MTDH: variants seen among roughly 807,000 people sequenced by gnomAD.
MTDH encodes metadherin, also known as protein LYRIC.
MTDH carries 34 observed loss-of-function variants against 72.7 expected under a neutral mutation model. The ratio of observed to expected loss-of-function variants is 0.47; its 90% CI spans 0.36 to 0.62. The LOEUF is 0.62. MTDH is among the 20% of genes least tolerant of loss of function. The pLI, the probability that MTDH is intolerant of heterozygous loss-of-function variation, is 0.00. For synonymous variants in MTDH, 266 were observed against 268.9 expected, an observed-to-expected ratio of 0.99 and a Z score of 0.10; for missense variants, 677 against 699.4, an observed-to-expected ratio of 0.97 and a Z score of 0.36.
intron 9 of MTDH, among the ~76,000 whole-genome samples, chr8:97,717,631 C>G (rs200788830): frequency 0.032 from 4,781 of 148,332 alleles, 244 homozygotes; most frequent in African/African-American, 0.11. Context: ...ATCCCCCCCC[C>G]CCCAAAAATG....
In MTDH at chr8:97,726,313, G is replaced by T. The variant is rs1451525261; in HGVS notation, c.*1643G>T. The T allele has an allele frequency of 6.6e-6, 1 of 152,630 alleles. No individual in the cohort carries two copies. The highest frequency in any genetic ancestry group is 1.5e-5 in the Non-Finnish European group (1 of 68,030). The allele number at this position is 152,630 out of a possible 1,614,324, so 9.5% of individuals were successfully genotyped here. Reference sequence around the variant, plus strand: ...CTTGTTTAAATAAATTCAGCAAATGGATAGCATTGTTTTTTATTTGCTTCA... The same window carrying T: ...CTTGTTTAAATAAATTCAGCAAATGTATAGCATTGTTTTTTATTTGCTTCA... On this transcript the variant is annotated 3_prime_UTR_variant, in exon 12 of 12. Transcript: ENST00000336273.
chr8:97,691,872 T>TTTTG (rs1028470950), intron 6 of MTDH, among the ~76,000 whole-genome samples: 4 of 152,004 alleles, frequency 2.6e-5, no homozygotes, highest in Admixed American at 2.0e-4. Context: ...TTTTGTTGTT[T>TTTTG]TTTGTTTGTT....
chr8:97,705,789 A>G (rs1303944480), intron 7 of MTDH, among the ~76,000 whole-genome samples: 1 of 152,212 alleles, frequency 6.6e-6, no homozygotes, highest in African/African-American at 2.4e-5. Flanking sequence ...AGGAACATAT[A>G]TAGGAGTATA....
At chr8:97,649,360 T>C (rs540686381) in intron 1 of MTDH, among the ~76,000 whole-genome samples, 1 of 152,330 alleles carries the variant, frequency 6.6e-6, no homozygotes, top group South Asian at 2.1e-4. Flanking sequence ...TGCCAATCTT[T>C]TCTACCCACT....
intron 5 of MTDH, among the ~76,000 whole-genome samples, chr8:97,690,405 C>T (rs974290653): frequency 6.6e-6 from 1 of 152,304 alleles, no homozygotes; most frequent in South Asian, 2.1e-4. Context: ...ACAACATGTA[C>T]ACACATATAT....
In MTDH at chr8:97,654,872, G is replaced by C. The variant is rs189432719; in HGVS notation, c.382-6200G>C. On this transcript the variant is annotated intron_variant, in intron 1 of 11. Coordinates refer to ENST00000336273, the MANE Select transcript of MTDH (RefSeq NM_178812.4). ...CTCAGCATTTTAGGAGGCCAAGGCA[G>C]GTGGATTGCTTGAGCTCAGGAGTTT... Among the ~76,000 whole-genome samples the C allele has an allele frequency of 2.4e-3, 363 of 152,270 alleles. 1 individual carries two copies. Among genetic ancestry groups the C allele is most frequent in the Non-Finnish European group, 3.9e-3 (265 of 68,016 alleles).
At chr8:97,705,685 A>G (rs1214452754) in intron 7 of MTDH, among the ~76,000 whole-genome samples, 2 of 152,232 alleles carry the variant, frequency 1.3e-5, no homozygotes, top group African/African-American at 4.8e-5. Context: ...TCATTTAAGC[A>G]TTGTTGGGAC....
intron 6 of MTDH, among the ~76,000 whole-genome samples, chr8:97,693,949 A>C (rs548891146): frequency 6.6e-6 from 1 of 152,198 alleles, no homozygotes; most frequent in African/African-American, 2.4e-5. Context: ...TCTTGGGCTC[A>C]AGTGATCCAC....
intron 6 of MTDH, among the ~76,000 whole-genome samples, chr8:97,693,911 C>G (rs1378026445): frequency 1.3e-5 from 2 of 151,150 alleles, no homozygotes; most frequent in Non-Finnish European, 3.0e-5. Context: ...GAGACAGTTT[C>G]GCCATGTTGC....
chr8:97,685,801 C>G lies in MTDH; in HGVS notation c.484-867C>G, dbSNP rs539393305. Reference sequence around the variant, plus strand: ...ATAGTGTGCAGTAGTATATACATAGCTGATCTCAATAAATAGCTAAATAAG... The same window carrying G: ...ATAGTGTGCAGTAGTATATACATAGGTGATCTCAATAAATAGCTAAATAAG... On this transcript the variant is annotated intron_variant, in intron 2 of 11. Transcript: ENST00000336273. 2.3e-4 allele frequency among the ~76,000 whole-genome samples: 35 copies of G among 151,918 alleles called. 1 individual carries two copies. The South Asian group carries it at 7.3e-3, about 32-fold the overall frequency.
chr8:97,675,310 C>T (rs1812790676), intron 2 of MTDH, among the ~76,000 whole-genome samples: 1 of 152,162 alleles, frequency 6.6e-6, no homozygotes, highest in Admixed American at 6.5e-5. Context: ...CCTGTAATCC[C>T]AGCACTTTGG....
chr8:97,658,284 A>C (rs1481705911), intron 1 of MTDH, among the ~76,000 whole-genome samples: 2 of 152,238 alleles, frequency 1.3e-5, no homozygotes, highest in Non-Finnish European at 2.9e-5. Flanking sequence ...GAAGGAACTA[A>C]AATTGGCACA....
At chr8:97,720,711 A>G (rs936795771) in intron 10 of MTDH, among the ~76,000 whole-genome samples, 7 of 149,782 alleles carry the variant, frequency 4.7e-5, no homozygotes, top group Non-Finnish European at 7.4e-5. Context: ...CAGTGACGCA[A>G]TCCGCAATCT....
At chr8:97,667,831 T>TAAA (rs542822923) in intron 2 of MTDH, among the ~76,000 whole-genome samples, 9,111 of 115,962 alleles carry the variant, frequency 0.079, 457 homozygotes, top group Admixed American at 0.15. Context: ...GTCTCTATAT[T>TAAA]AAAAAAAAAA....
chr8:97,661,062 G>T lies in MTDH; in HGVS notation c.382-10G>T, dbSNP rs544876445. Reference sequence around the variant, plus strand: ...GTTTGATAATATGATACTTTTTGTTGCCTGTGCAGCCAAATGGGCGGACTG... The same window carrying T: ...GTTTGATAATATGATACTTTTTGTTTCCTGTGCAGCCAAATGGGCGGACTG... On this transcript the variant is annotated splice_polypyrimidine_tract_variant and intron_variant, in intron 1 of 11. Transcript: ENST00000336273. 1 of 1,609,690 alleles carries T rather than the reference G, an allele frequency of 6.2e-7. No individual in the cohort carries two copies. Among genetic ancestry groups the T allele is most frequent in the Non-Finnish European group, 8.5e-7 (1 of 1,177,146 alleles).
chr8:97,718,766 A>G (rs1586285241), intron 9 of MTDH, among the ~76,000 whole-genome samples: 2 of 151,496 alleles, frequency 1.3e-5, no homozygotes, highest in African/African-American at 4.9e-5. Context: ...GTGTGATCAC[A>G]GTCTACTGCA....
chr8:97,704,623 T>A (rs535977262), intron 7 of MTDH, among the ~76,000 whole-genome samples: 50 of 151,620 alleles, frequency 3.3e-4, no homozygotes, highest in African/African-American at 1.1e-3. Context: ...ACTAAGAAAA[T>A]ATATATATAT....
chr8:97,682,423 C>T (rs558315529), intron 2 of MTDH, among the ~76,000 whole-genome samples: 5 of 146,374 alleles, frequency 3.4e-5, no homozygotes, highest in Admixed American at 6.9e-5. Flanking sequence ...CTCAGCCTCC[C>T]GAGTAGCTGG....
chr8:97,730,013 C>T lies in MTDH; in HGVS notation c.*5343C>T, dbSNP rs184703022. On this transcript the variant is annotated 3_prime_UTR_variant, in exon 12 of 12. Transcript: ENST00000336273. ...CTCTAACAGGACGATGATTTCTAAC[C>T]CTAGCATCATGACATGTATATAGTG... Among the ~76,000 whole-genome samples the T allele has an allele frequency of 2.0e-4, 31 of 152,242 alleles. No individual in the cohort carries two copies. Among genetic ancestry groups the T allele is most frequent in the African/African-American group, 7.0e-4 (29 of 41,550 alleles).
Sources: gnomAD v4.1 joint callset for allele counts (sites outside exome capture counted in the v4.1 genomes callset) on GRCh38, gnomAD v4.1.1 for gene constraint, MANE v1.5 for transcripts, NCBI Gene and HGNC (gene_info 2026-07-23, HGNC 2026-07-21) for gene names.